Variants in NEGR1 observed in about 807,000 individuals in gnomAD.
The protein encoded by NEGR1 is IgLON family member 4.
A neutral mutation model predicts 40.9 loss-of-function variants in NEGR1; 10 were observed. The observed-to-expected ratio is 0.24, with a 90% confidence interval of 0.15 to 0.42. The LOEUF (loss-of-function observed/expected upper bound fraction) is 0.42. Among genes scored for constraint, NEGR1 ranks in the 10% least tolerant of loss-of-function variants. The pLI is 1.00. For synonymous variants in NEGR1, 185 were observed against 166.8 expected (o/e 1.11, Z -0.84); for missense variants, 352 against 438.9 (o/e 0.80, Z 1.77).
intron 2 of NEGR1, among the ~76,000 whole-genome samples, chr1:71,865,113 T>C (rs891832934): frequency 4.6e-5 from 7 of 152,130 alleles, no homozygotes; most frequent in Admixed American, 3.3e-4. Context: ...GATAAAATGA[T>C]TAGAACTTCC....
At chr1:71,850,471 C>T (rs1190113784) in intron 2 of NEGR1, among the ~76,000 whole-genome samples, 2 of 151,978 alleles carry the variant, frequency 1.3e-5, no homozygotes, top group African/African-American at 4.8e-5. Flanking sequence ...ATTGTCTTGT[C>T]AAGAATATGT....
At chr1:72,067,229 G>A (rs1647297601) in intron 1 of NEGR1, among the ~76,000 whole-genome samples, 1 of 152,002 alleles carries the variant, frequency 6.6e-6, no homozygotes, top group Admixed American at 6.6e-5. Context: ...TTCATGTTTG[G>A]TAATATCCTA....
intron 6 of NEGR1, chr1:71,468,731 T>G (rs760802074): frequency 1.2e-4 from 19 of 152,026 alleles, no homozygotes; most frequent in Non-Finnish European, 2.5e-4. Flanking sequence ...TATTAGTAAG[T>G]AAATGCAATG....
intron 3 of NEGR1, among the ~76,000 whole-genome samples, chr1:71,770,122 A>G (rs904278390): frequency 1.3e-5 from 2 of 152,202 alleles, no homozygotes. Flanking sequence ...GGAATTTTGA[A>G]AAAACCTTGA....
intron 4 of NEGR1, among the ~76,000 whole-genome samples, chr1:71,650,741 C>T (rs1335972964): frequency 2.0e-5 from 3 of 151,922 alleles, no homozygotes; most frequent in Non-Finnish European, 4.4e-5. Context: ...ACCATGTGCT[C>T]TAAAATGGAA....
intron 1 of NEGR1, among the ~76,000 whole-genome samples, chr1:72,078,227 G>A (rs7542278): frequency 0.44 from 66,150 of 151,902 alleles, 14,885 homozygotes; most frequent in Admixed American, 0.5. Flanking sequence ...GATGTGAAGT[G>A]TAGTGTATTT....
intron 3 of NEGR1, among the ~76,000 whole-genome samples, chr1:71,701,097 C>A (rs545968220): frequency 1.3e-5 from 2 of 151,906 alleles, no homozygotes; most frequent in Admixed American, 1.3e-4. Flanking sequence ...TCTGATGAGA[C>A]CAGTGCTGAG....
At chr1:71,780,065 AAAAAAAG>A in intron 2 of NEGR1, among the ~76,000 whole-genome samples, 1 of 148,524 alleles carries the variant, frequency 6.7e-6, no homozygotes, top group African/African-American at 2.5e-5. Flanking sequence ...AAAAAAAAAA[AAAAAAAG>A]AAAAAAAATA....
chr1:71,633,286 C>G (rs1197359272), intron 4 of NEGR1, among the ~76,000 whole-genome samples: 1 of 152,060 alleles, frequency 6.6e-6, no homozygotes, highest in African/African-American at 2.4e-5. Context: ...ATTTTTTTGT[C>G]ATCTCTTCAG....
intron 3 of NEGR1, among the ~76,000 whole-genome samples, chr1:71,730,877 C>CGTGT (rs59873481): frequency 0.013 from 1,748 of 130,018 alleles, 16 homozygotes; most frequent in Middle Eastern, 0.024. Flanking sequence ...GTGAAGCATT[C>CGTGT]GTGTGTGTGT....
chr1:72,159,523 A>G (rs1355507521), intron 1 of NEGR1, among the ~76,000 whole-genome samples: 1 of 152,170 alleles, frequency 6.6e-6, no homozygotes, highest in Non-Finnish European at 1.5e-5. Flanking sequence ...AAAGAGGAAA[A>G]TCACTAGCTA....
At chr1:72,052,191 T>C (rs1047484789) in intron 1 of NEGR1, among the ~76,000 whole-genome samples, 4 of 151,466 alleles carry the variant, frequency 2.6e-5, no homozygotes, top group Non-Finnish European at 5.9e-5. Flanking sequence ...TCAAATGCTA[T>C]AGAAAGTGCT....
chr1:71,476,015 G>C (rs1646817492), intron 6 of NEGR1, among the ~76,000 whole-genome samples: 1 of 151,972 alleles, frequency 6.6e-6, no homozygotes, highest in Non-Finnish European at 1.5e-5. Flanking sequence ...TTTATCTTTT[G>C]AGAATTCTGC....
At chr1:71,755,389 A>T (rs1389424648) in intron 3 of NEGR1, among the ~76,000 whole-genome samples, 2 of 152,168 alleles carry the variant, frequency 1.3e-5, no homozygotes, top group African/African-American at 2.4e-5. Context: ...AGCACTAAAA[A>T]CATCTTCTAA....
chr1:71,711,777 G>C (rs924461684), intron 3 of NEGR1, among the ~76,000 whole-genome samples: 4 of 152,150 alleles, frequency 2.6e-5, no homozygotes, highest in African/African-American at 9.7e-5. Context: ...TCATTTGCCA[G>C]TACATGCAAT....
chr1:71,947,790 A>G (rs946954802), intron 1 of NEGR1, among the ~76,000 whole-genome samples: 2 of 151,194 alleles, frequency 1.3e-5, no homozygotes, highest in East Asian at 3.9e-4. Flanking sequence ...AAAAAAAAAT[A>G]TGGAAATTAA....
chr1:71,595,247 G>A (rs910360136), intron 5 of NEGR1, among the ~76,000 whole-genome samples: 1 of 152,162 alleles, frequency 6.6e-6, no homozygotes. Context: ...CCTGCTACTC[G>A]GATCAGCCAG....
intron 1 of NEGR1, among the ~76,000 whole-genome samples, chr1:72,167,847 T>C (rs1051006822): frequency 2.6e-5 from 4 of 152,034 alleles, no homozygotes; most frequent in African/African-American, 9.7e-5. Flanking sequence ...TTTCTTCAAC[T>C]AATGTGTCAT....
intron 1 of NEGR1, among the ~76,000 whole-genome samples, chr1:72,133,484 CA>C (rs1198286889): frequency 6.6e-6 from 1 of 151,874 alleles, no homozygotes; most frequent in Non-Finnish European, 1.5e-5. Flanking sequence ...TTGTATTAAG[CA>C]ATGGAAACAC....
Sources: gnomAD v4.1 joint callset for allele counts (sites outside exome capture counted in the v4.1 genomes callset) on GRCh38, gnomAD v4.1.1 for gene constraint, MANE v1.5 for transcripts, NCBI Gene and HGNC (gene_info 2026-07-23, HGNC 2026-07-21) for gene names.